Variants in SFMBT2 observed in about 807,000 individuals in gnomAD.
SFMBT2 encodes the protein scm-like with four MBT domains protein 2.
SFMBT2 carries 38 observed loss-of-function variants against 110.1 expected under a neutral mutation model. That is an observed-to-expected ratio of 0.35 (90% CI 0.27 to 0.45). The LOEUF (loss-of-function observed/expected upper bound fraction) is 0.45. Ranked by LOEUF, SFMBT2 falls within the 20% of genes least tolerant of loss-of-function variation. The probability of loss-of-function intolerance (pLI) is 1.00; values close to 1 mark genes in which losing one functional copy is unlikely to be tolerated. For synonymous variants in SFMBT2, 425 were observed against 425.4 expected (o/e 1.00, Z 0.01); for missense variants, 1,011 against 1,094.9 (o/e 0.92, Z 1.08).
At chr10:7,342,396 C>CTTTTTCTTTTTT in intron 4 of SFMBT2, among the ~76,000 whole-genome samples, 1 of 69,628 alleles carries the variant, frequency 1.4e-5, no homozygotes, top group Non-Finnish European at 2.8e-5. Flanking sequence ...TGGAGTGAGT[C>CTTTTTCTTTTTT]TTTTTTTTTT....
rs555367110 is a variant in SFMBT2 at position 7,171,397 on chromosome 10, A to C, written c.2416-341T>G. The C allele has an allele frequency of 1.0e-6, 1 of 985,464 alleles. No individual in the cohort carries two copies. The highest frequency in any genetic ancestry group is 1.2e-6 in the Non-Finnish European group (1 of 829,932). The allele number at this position is 985,464 out of a possible 1,614,324, so 61.0% of individuals were successfully genotyped here. A position where few individuals can be genotyped will look rare whatever the true frequency, so the allele number is the denominator to read the frequency against. On this transcript the variant is annotated intron_variant, in intron 19 of 20. Transcript: ENST00000397167. This position sits in a 1 kb window ranked among gnomAD's most constrained non-coding sequence, Gnocchi z 4.9. ...AAATACAAGGGGCACGTCCAAGCAG[A>C]CACGAGACAGTGTCCCCCAGTGTTT...
intron 1 of SFMBT2, among the ~76,000 whole-genome samples, chr10:7,393,018 TA>T (rs1845820653): frequency 3.6e-5 from 3 of 82,362 alleles, no homozygotes; most frequent in African/African-American, 2.1e-4. Context: ...TATATATATA[TA>T]TATATATATA....
chr10:7,321,906 T>G (rs1479157858), intron 4 of SFMBT2, among the ~76,000 whole-genome samples: 1 of 152,200 alleles, frequency 6.6e-6, no homozygotes, highest in Non-Finnish European at 1.5e-5. Context: ...ATTAATAAGT[T>G]TTATGCAACT....
At chr10:7,315,260 G>C (rs1473888252) in intron 4 of SFMBT2, among the ~76,000 whole-genome samples, 1 of 152,090 alleles carries the variant, frequency 6.6e-6, no homozygotes, top group Non-Finnish European at 1.5e-5. Context: ...GGGTGTTTCT[G>C]GCTGACATTA....
chr10:7,236,027 C>T (rs745948021), intron 9 of SFMBT2, among the ~76,000 whole-genome samples: 7 of 152,110 alleles, frequency 4.6e-5, no homozygotes, highest in African/African-American at 7.2e-5. Context: ...ATATCTTACA[C>T]AAACTGTTTT....
At chr10:7,332,462 A>G (rs1180016970) in intron 4 of SFMBT2, among the ~76,000 whole-genome samples, 1 of 152,252 alleles carries the variant, frequency 6.6e-6, no homozygotes, top group Non-Finnish European at 1.5e-5. Context: ...TGGGGAGGGA[A>G]GGTGCAGAAA....
In SFMBT2 at chr10:7,200,475, G is replaced by GGGC; in HGVS notation, c.1494_1496dup (p.Pro499dup). On this transcript the variant is annotated inframe_insertion, in exon 14 of 21. Transcript: ENST00000397167. ...GAGGTATTTTCTTAACAGGCACTGT[G>GGGC]GGCGGCAATCTGTCAACAGAGAAAA... is the stretch of plus-strand genomic sequence containing the variant. The GGGC allele has an allele frequency of 1.2e-6, 2 of 1,600,454 alleles. No homozygotes were observed. Among genetic ancestry groups the GGGC allele is most frequent in the Non-Finnish European group, 1.7e-6 (2 of 1,173,022 alleles).
intron 9 of SFMBT2, among the ~76,000 whole-genome samples, chr10:7,228,725 TTCTTTCTTTCCTTTCTCTCTC>T (rs1222874662): frequency 7.0e-4 from 76 of 108,490 alleles, no homozygotes; most frequent in Admixed American, 1.2e-3. Flanking sequence ...CTTTCTTTCT[TTCTTTCTTTCCTTTCTCTCTC>T]TCTCTCTCTC....
intron 1 of SFMBT2, among the ~76,000 whole-genome samples, chr10:7,409,709 G>T (rs1011863186): frequency 6.6e-6 from 1 of 151,862 alleles, no homozygotes; most frequent in Non-Finnish European, 1.5e-5. Context: ...GCGCTTCCTG[G>T]GGTAGCCAAA....
intron 4 of SFMBT2, among the ~76,000 whole-genome samples, chr10:7,355,352 C>T (rs1250422396): frequency 6.6e-6 from 1 of 152,078 alleles, no homozygotes; most frequent in Non-Finnish European, 1.5e-5. Flanking sequence ...CACTGAATCT[C>T]ATTAAGCATG....
rs1840434774 is a variant in SFMBT2 at position 7,241,682 on chromosome 10, A to C, written c.1120+1876T>G. On this transcript the variant is annotated intron_variant, in intron 9 of 20. Transcript: ENST00000397167. ...CAGTTCAGTTGCATTAATGTAAAACAATTTTCTTAATATCATAAAACTCAA... is the reference window on the plus strand; with the variant it reads ...CAGTTCAGTTGCATTAATGTAAAACCATTTTCTTAATATCATAAAACTCAA... Among the ~76,000 whole-genome samples the C allele has an allele frequency of 2.0e-5, 3 of 152,206 alleles. No homozygotes were observed. In the South Asian group the frequency reaches 6.2e-4, roughly 32 times the overall value.
intron 1 of SFMBT2, among the ~76,000 whole-genome samples, chr10:7,399,524 G>A (rs185361032): frequency 5.9e-5 from 9 of 152,280 alleles, no homozygotes; most frequent in East Asian, 5.8e-4. Context: ...GAGCCACTGC[G>A]CCCAGCCTAT....
At chr10:7,324,078 A>C (rs1843296054) in intron 4 of SFMBT2, among the ~76,000 whole-genome samples, 1 of 152,268 alleles carries the variant, frequency 6.6e-6, no homozygotes, top group Non-Finnish European at 1.5e-5. Flanking sequence ...TGAATGTAAA[A>C]GTACATGCCT....
At chr10:7,294,240 G>A (rs1487893093) in intron 4 of SFMBT2, among the ~76,000 whole-genome samples, 4 of 152,104 alleles carry the variant, frequency 2.6e-5, no homozygotes, top group South Asian at 4.1e-4. Context: ...TAAAAAGCAC[G>A]CCAACTCACC....
intron 4 of SFMBT2, among the ~76,000 whole-genome samples, chr10:7,303,801 T>C (rs1370005872): frequency 6.6e-6 from 1 of 152,226 alleles, no homozygotes; most frequent in East Asian, 1.9e-4. Context: ...TTTAGAATGA[T>C]TTTGTAAGCA....
At chr10:7,328,412 G>A (rs552018274) in intron 4 of SFMBT2, among the ~76,000 whole-genome samples, 1 of 152,254 alleles carries the variant, frequency 6.6e-6, no homozygotes, top group Admixed American at 6.5e-5. Context: ...CTCTCAGTCT[G>A]TATTTGTCCT....
chr10:7,244,065 G>A, intron 8 of SFMBT2: 3 of 903,292 alleles, frequency 3.3e-6, no homozygotes, highest in Non-Finnish European at 4.0e-6. Flanking sequence ...ACTGAAAAGT[G>A]AAACCGTTTC....
chr10:7,187,512 ATT>A (rs1374075349), intron 16 of SFMBT2, among the ~76,000 whole-genome samples: 1 of 152,340 alleles, frequency 6.6e-6, no homozygotes, highest in African/African-American at 2.4e-5. Context: ...CCCTCTTCTT[ATT>A]TACATATATT....
At chr10:7,229,859 T>C (rs1431486231) in intron 9 of SFMBT2, among the ~76,000 whole-genome samples, 1 of 151,256 alleles carries the variant, frequency 6.6e-6, no homozygotes, top group Non-Finnish European at 1.5e-5. Context: ...TAGCTGGGAC[T>C]ACAGGCGCCC....
Sources: allele counts gnomAD v4.1 joint callset (sites outside exome capture counted in the v4.1 genomes callset), GRCh38; gene constraint gnomAD v4.1.1; non-coding constraint Gnocchi (gnomAD v3.1); transcripts MANE v1.5; gene names NCBI Gene and HGNC (gene_info 2026-07-23, HGNC 2026-07-21).